Variants in DPYD observed in about 807,000 individuals in gnomAD.
DPYD encodes the protein dihydropyrimidine dehydrogenase.
Under a neutral mutation model 116.2 loss-of-function variants are expected in DPYD, and 109 were observed. The ratio of observed to expected loss-of-function variants is 0.94; its 90% confidence interval spans 0.80 to 1.10. The LOEUF is 1.10. Among genes scored for constraint, DPYD ranks in the 50% least tolerant of loss-of-function variants. DPYD has a pLI of 0.00. For synonymous variants in DPYD, 440 were observed against 432.0 expected (o/e 1.02, Z -0.23); for missense variants, 1,302 against 1,254.5 (o/e 1.04, Z -0.57).
At chr1:97,656,092 T>C (rs778212340) in intron 8 of DPYD, among the ~76,000 whole-genome samples, 1 of 152,164 alleles carries the variant, frequency 6.6e-6, no homozygotes, top group African/African-American at 2.4e-5. Context: ...AATCTAAATG[T>C]ACCATTTTCC....
At chr1:97,084,239 A>G (rs1649351284) in intron 21 of DPYD, among the ~76,000 whole-genome samples, 1 of 152,038 alleles carries the variant, frequency 6.6e-6, no homozygotes, top group African/African-American at 2.4e-5. Flanking sequence ...ACTGGAGGAC[A>G]CACTTTTCAA....
At chr1:97,292,730 A>G (rs1427734235) in intron 18 of DPYD, among the ~76,000 whole-genome samples, 1 of 139,572 alleles carries the variant, frequency 7.2e-6, no homozygotes, top group Non-Finnish European at 1.6e-5. Flanking sequence ...GAGCACACAC[A>G]CACACACACA....
chr1:97,818,494 T>C (rs1172797893), intron 3 of DPYD, among the ~76,000 whole-genome samples: 1 of 152,042 alleles, frequency 6.6e-6, no homozygotes, highest in Non-Finnish European at 1.5e-5. Flanking sequence ...ATTGAAAGAA[T>C]TCTGTATTTA....
At position 97,859,282 on chromosome 1, in the gene DPYD, G is replaced by A. The variant is rs544356330; in HGVS notation, c.150+23982C>T. On this transcript the variant is annotated intron_variant, in intron 2 of 22. Coordinates refer to ENST00000370192, the MANE Select transcript of DPYD (RefSeq NM_000110.4). ...ACCACCCTTTTCAATAAAGAGCAGC[G>A]TATGGCAGATGCATCTGAAAGCAAT... Among the ~76,000 whole-genome samples, 221 of 152,210 alleles carry A rather than the reference G, an allele frequency of 1.5e-3. 1 individual carries two copies. The highest frequency in any genetic ancestry group is 3.4e-3 in the Middle Eastern group (1 of 294).
chr1:97,821,787 A>G (rs1481911312), intron 3 of DPYD, among the ~76,000 whole-genome samples: 1 of 152,156 alleles, frequency 6.6e-6, no homozygotes, highest in Non-Finnish European at 1.5e-5. Flanking sequence ...GTAAGCACAT[A>G]CAACATTAAA....
At chr1:97,478,343 A>G (rs1678103467) in intron 13 of DPYD, among the ~76,000 whole-genome samples, 1 of 152,064 alleles carries the variant, frequency 6.6e-6, no homozygotes, top group South Asian at 2.1e-4. Context: ...GCTGGAGTGC[A>G]GTGGCATGAC....
chr1:97,272,305 C>G (rs1664635278), intron 18 of DPYD, among the ~76,000 whole-genome samples: 1 of 152,122 alleles, frequency 6.6e-6, no homozygotes, highest in African/African-American at 2.4e-5. Context: ...TAGTCTGACT[C>G]TTTATTTGCA....
At chr1:97,317,671 T>C (rs958020156) in intron 16 of DPYD, among the ~76,000 whole-genome samples, 1 of 151,966 alleles carries the variant, frequency 6.6e-6, no homozygotes, top group Non-Finnish European at 1.5e-5. Flanking sequence ...TAATTCCATA[T>C]TGAAGTGAAT....
intron 1 of DPYD, among the ~76,000 whole-genome samples, chr1:97,910,668 C>A (rs1462788175): frequency 6.6e-6 from 1 of 152,048 alleles, no homozygotes; most frequent in Non-Finnish European, 1.5e-5. Context: ...ATACTCTTAA[C>A]CACAAATCTA....
intron 14 of DPYD, among the ~76,000 whole-genome samples, chr1:97,431,791 T>G (rs1160286427): frequency 6.6e-6 from 1 of 152,122 alleles, no homozygotes; most frequent in East Asian, 1.9e-4. Flanking sequence ...TACTGAACAC[T>G]AGTTCTTATT....
intron 20 of DPYD, among the ~76,000 whole-genome samples, chr1:97,143,445 T>C (rs1654377589): frequency 1.3e-5 from 2 of 152,222 alleles, no homozygotes; most frequent in African/African-American, 2.4e-5. Context: ...CTAATGCTGA[T>C]TGAGATATCG....
At chr1:97,113,104 T>C (rs1651721384) in intron 20 of DPYD, among the ~76,000 whole-genome samples, 1 of 152,154 alleles carries the variant, frequency 6.6e-6, no homozygotes, top group Admixed American at 6.6e-5. Flanking sequence ...TTTTAACACA[T>C]GTGACTGTGT....
chr1:97,562,503 A>G (rs1213546050), intron 11 of DPYD, among the ~76,000 whole-genome samples: 2 of 152,188 alleles, frequency 1.3e-5, no homozygotes, highest in Non-Finnish European at 2.9e-5. Context: ...TATAACAAGT[A>G]TGGTTGTTAA....
intron 8 of DPYD, among the ~76,000 whole-genome samples, chr1:97,611,689 G>C (rs1347054392): frequency 6.6e-6 from 1 of 151,958 alleles, no homozygotes; most frequent in African/African-American, 2.4e-5. Context: ...ACCTAAGTTT[G>C]AGTCCTGACT....
At chr1:97,368,433 G>A (rs1201276344) in intron 16 of DPYD, among the ~76,000 whole-genome samples, 1 of 152,104 alleles carries the variant, frequency 6.6e-6, no homozygotes, top group African/African-American at 2.4e-5. Context: ...GCAGCTTTAG[G>A]TTTTCTGATG....
At chr1:97,765,464 C>G (rs1379039230) in intron 3 of DPYD, among the ~76,000 whole-genome samples, 2 of 152,148 alleles carry the variant, frequency 1.3e-5, no homozygotes, top group Non-Finnish European at 2.9e-5. Context: ...AAGACAGCAG[C>G]TAGGACAGTC....
intron 7 of DPYD, among the ~76,000 whole-genome samples, chr1:97,689,598 T>C (rs75914094): frequency 0.11 from 16,240 of 152,052 alleles, 1,166 homozygotes; most frequent in Non-Finnish European, 0.15. Flanking sequence ...TCAAACAGTA[T>C]GAACCCACAA....
At chr1:97,766,457 G>A (rs1268943772) in intron 3 of DPYD, among the ~76,000 whole-genome samples, 1 of 151,992 alleles carries the variant, frequency 6.6e-6, no homozygotes, top group Non-Finnish European at 1.5e-5. Flanking sequence ...GAGAGGCCAA[G>A]GATTGCTGAG....
At chr1:97,325,111 T>A (rs565170236) in intron 16 of DPYD, among the ~76,000 whole-genome samples, 1 of 152,056 alleles carries the variant, frequency 6.6e-6, no homozygotes, top group Non-Finnish European at 1.5e-5. Context: ...CTAAAACAGA[T>A]GGGTATTTAC....
Sources: allele counts gnomAD v4.1 joint callset (sites outside exome capture counted in the v4.1 genomes callset), GRCh38; gene constraint gnomAD v4.1.1; transcripts MANE v1.5; gene names NCBI Gene and HGNC (gene_info 2026-07-23, HGNC 2026-07-21).